The following SCNN1G variants were observed in gnomAD, a reference collection of about 807,000 sequenced individuals.
SCNN1G encodes the protein sodium channel epithelial 1 subunit gamma.
SCNN1G carries 27 observed loss-of-function variants against 64.6 expected under a neutral mutation model. The observed-to-expected ratio is 0.42, with a 90% CI of 0.31 to 0.58. The LOEUF (loss-of-function observed/expected upper bound fraction) is 0.58. Ranked by LOEUF, SCNN1G falls within the 20% of genes least tolerant of loss-of-function variation. The probability of loss-of-function intolerance (pLI) is 0.18; values close to 1 mark genes in which losing one functional copy is unlikely to be tolerated. For missense variants in SCNN1G, 743 were observed against 823.4 expected (o/e 0.90, Z 1.19); for synonymous variants, 330 against 314.2 (o/e 1.05, Z -0.53).
At chr16:23,199,609 G>C (rs946818231) in intron 6 of SCNN1G, among the ~76,000 whole-genome samples, 2 of 130,184 alleles carry the variant, frequency 1.5e-5, no homozygotes, top group Non-Finnish European at 3.3e-5. Context: ...AATGGTATCT[G>C]TTATCATTTT....
intron 6 of SCNN1G, among the ~76,000 whole-genome samples, chr16:23,205,869 GC>G (rs1374291448): frequency 6.6e-6 from 1 of 152,120 alleles, no homozygotes. Context: ...GGAAAGAAAA[GC>G]CCCCCACCCA....
chr16:23,212,350 C>T (rs1200393533), intron 8 of SCNN1G, among the ~76,000 whole-genome samples, 199 bp downstream of exon 8: 2 of 152,172 alleles, frequency 1.3e-5, no homozygotes, highest in Non-Finnish European at 2.9e-5. Context: ...TAGTCAACTC[C>T]AGGAGGTAGG....
At chr16:23,201,693 G>A (rs1959892211) in intron 6 of SCNN1G, among the ~76,000 whole-genome samples, 1 of 152,176 alleles carries the variant, frequency 6.6e-6, no homozygotes, top group African/African-American at 2.4e-5. Context: ...CAGGCAGTTG[G>A]TAAACAAAAC....
Position 23,215,994 on chromosome 16 carries a change from G to A in SCNN1G, c.*525G>A. 5.0e-6 allele frequency: 1 copy of A among 199,520 alleles called. No homozygotes were observed. Among genetic ancestry groups the A allele is most frequent in the Non-Finnish European group, 1.0e-5 (1 of 97,012 alleles). The allele number at this position is 199,520 out of a possible 1,614,324, so 12.4% of individuals were successfully genotyped here. A position where few individuals can be genotyped will look rare whatever the true frequency, so the allele number is the denominator to read the frequency against. Reference sequence around the variant, plus strand: ...TAAACTGTTCTTCATCATTGACACTGGAGAAAGGTGTCCTCCATGCCCTCA... The same window carrying A: ...TAAACTGTTCTTCATCATTGACACTAGAGAAAGGTGTCCTCCATGCCCTCA... On this transcript the variant is annotated 3_prime_UTR_variant, in exon 13 of 13. Coordinates refer to ENST00000300061, the MANE Select transcript of SCNN1G (RefSeq NM_001039.4).
chr16:23,189,720 G>T (rs1382762476), intron 3 of SCNN1G, 49 bp downstream of exon 3: 1 of 1,572,562 alleles, frequency 6.4e-7, no homozygotes, highest in East Asian at 2.2e-5. Flanking sequence ...CATGGGATGG[G>T]CTGGGTCCAG....
rs200028583 is a variant in SCNN1G, at chr16:23,213,136, G to A, written c.1466G>A (p.Gly489Asp). 1.2e-6 allele frequency: 2 copies of A among 1,613,416 alleles called. No homozygotes were observed. Among genetic ancestry groups the A allele is most frequent in the Admixed American group, 3.3e-5 (2 of 59,964 alleles). ...WLLPVLTWDQ[G>D]RQVNKKLNKT... ...CTGCCTGTTCTCACTTGGGACCAAG[G>A]CCGGCAAGTAAACAAAAAGCTCAAC... The change falls in exon 11 of 13, where the codon GGC becomes GAC. Residue 489 changes from glycine to aspartate, a missense_variant. Gly to Asp is a moderately conservative substitution (Grantham distance 94). Coordinates refer to ENST00000300061, the MANE Select transcript of SCNN1G (RefSeq NM_001039.4).
At chr16:23,215,046 G>C (rs553738022) in intron 12 of SCNN1G, 43 bp from the exon 13 acceptor site, 37 of 1,612,810 alleles carry the variant, frequency 2.3e-5, no homozygotes, top group Admixed American at 5.0e-5. Context: ...GGCCAACTTG[G>C]GGGGAGGTTC....
intron 2 of SCNN1G, among the ~76,000 whole-genome samples, chr16:23,188,102 T>A (rs1959643914): frequency 6.6e-6 from 1 of 152,198 alleles, no homozygotes. Flanking sequence ...TAAACTGTCA[T>A]GCACTGTACT....
intron 2 of SCNN1G, among the ~76,000 whole-genome samples, chr16:23,187,977 C>T (rs1296354354): frequency 6.6e-6 from 1 of 152,140 alleles, no homozygotes; most frequent in Non-Finnish European, 1.5e-5. Context: ...ACTCTCTCTC[C>T]GCCCTCCATG....
intron 1 of SCNN1G, 126 bp from the exon 2 acceptor site, chr16:23,186,102 C>T (rs1395049313): frequency 1.0e-5 from 7 of 684,422 alleles, no homozygotes; most frequent in Non-Finnish European, 1.8e-5. Context: ...GCCTAAGCCA[C>T]AGAGGAACAG....
rs1959813188 is a variant in SCNN1G, at chr16:23,197,369, T to A, written c.1019T>A (p.Val340Asp). Residue 340 changes from valine (V) to aspartate (D), a missense_variant, in exon 6 of 13, where the codon GTC (valine) becomes GAC (aspartate). By Grantham distance (152) the Val-to-Asp change is radical. Coordinates refer to ENST00000300061, the MANE Select transcript of SCNN1G (RefSeq NM_001039.4). ...IIHRQDEYPF[V>D]EDVGTEIETA... ...CATCGGCAGGATGAGTATCCCTTCG[T>A]CGAAGATGTGGGAACAGAGATTGAG... The A allele has an allele frequency of 7.4e-6, 12 of 1,613,924 alleles. No homozygotes were observed. The highest frequency in any genetic ancestry group is 1.0e-5 in the Non-Finnish European group (12 of 1,179,940).
chr16:23,205,009 C>T (rs1021886046), intron 6 of SCNN1G, among the ~76,000 whole-genome samples: 5 of 152,098 alleles, frequency 3.3e-5, no homozygotes, highest in South Asian at 2.1e-4. Flanking sequence ...GACGGGGTTT[C>T]GCCATGTTAG....
At chr16:23,204,334 TAGAGAGAGAGAGAGAG>T (rs755322105) in intron 6 of SCNN1G, among the ~76,000 whole-genome samples, 3 of 15,172 alleles carry the variant, frequency 2.0e-4, no homozygotes, top group Admixed American at 2.3e-3. Flanking sequence ...TATATATATA[TAGAGAGAGAGAGAGAG>T]AGAGAGAGAG....
At chr16:23,212,805 G>A (rs1042755656) in intron 9 of SCNN1G, 32 bp from the exon 10 acceptor site, 47 of 1,613,896 alleles carry the variant, frequency 2.9e-5, no homozygotes, top group Non-Finnish European at 3.6e-5. Context: ...GGGTTGGGCT[G>A]CCTACACTCA....
chr16:23,188,136 C>A (rs553209409), intron 2 of SCNN1G, among the ~76,000 whole-genome samples: 4 of 152,260 alleles, frequency 2.6e-5, no homozygotes, highest in Non-Finnish European at 2.9e-5. Context: ...GAGAACTGAA[C>A]AACCCAAACA....
intron 2 of SCNN1G, among the ~76,000 whole-genome samples, chr16:23,188,221 C>CTTTAT (rs1333827498): frequency 6.6e-6 from 1 of 152,156 alleles, no homozygotes; most frequent in African/African-American, 2.4e-5. Context: ...ACTAATATAA[C>CTTTAT]TAACAATAGA....
intron 6 of SCNN1G, among the ~76,000 whole-genome samples, chr16:23,198,376 G>C (rs1959831523): frequency 6.6e-6 from 1 of 152,064 alleles, no homozygotes; most frequent in South Asian, 2.1e-4. Context: ...GCAGGCCTGG[G>C]GTCTTTTTAT....
At position 23,214,754 on chromosome 16, in the gene SCNN1G, C is replaced by T; in HGVS notation, c.1536C>T (p.Asn512=). 1 of 1,614,058 alleles carries T rather than the reference C, an allele frequency of 6.2e-7. No individual in the cohort carries two copies. Among genetic ancestry groups the T allele is most frequent in the Non-Finnish European group, 8.5e-7 (1 of 1,179,952 alleles). ...AKLLIFYKDL[N]QRSIMESPAN... is the part of the protein sequence containing the mutation. ...TCTTGATATTCTACAAAGACCTGAA[C>T]CAGAGATCCATCATGGAGAGCCCAG... Residue 512 remains asparagine, a synonymous_variant, in exon 12 of 13, where the codon AAC becomes AAT. Transcript: ENST00000300061.
intron 3 of SCNN1G, 149 bp downstream of exon 3, chr16:23,189,820 C>A: frequency 1.1e-6 from 1 of 889,838 alleles, no homozygotes. Context: ...GCTTGTAATC[C>A]CAGCGCTTTG....
Sources: gnomAD v4.1 joint callset for allele counts (sites outside exome capture counted in the v4.1 genomes callset) on GRCh38, gnomAD v4.1.1 for gene constraint, MANE v1.5 for transcripts, NCBI Gene and HGNC (gene_info 2026-07-23, HGNC 2026-07-21) for gene names.